The following SMIM31 variants were observed in gnomAD, a reference collection of about 807,000 sequenced individuals.
SMIM31 encodes the protein small integral membrane protein 31.
chr4:164,760,505 T>C (rs1579059746), intron 1 of SMIM31, among the ~76,000 whole-genome samples: 1 of 150,072 alleles, frequency 6.7e-6, no homozygotes, highest in Non-Finnish European at 1.5e-5. Flanking sequence ...CCAAGGCGGG[T>C]GGATCACTTG....
chr4:164,781,615 C>G (rs1214955350), intron 2 of SMIM31, among the ~76,000 whole-genome samples: 1 of 152,130 alleles, frequency 6.6e-6, no homozygotes, highest in African/African-American at 2.4e-5. Context: ...TTAGCAGCCT[C>G]CTTGCCTCTT....
At chr4:164,783,300 A>G (rs921815762) in intron 2 of SMIM31, among the ~76,000 whole-genome samples, 2 of 150,288 alleles carry the variant, frequency 1.3e-5, no homozygotes, top group Non-Finnish European at 3.0e-5. Flanking sequence ...AAGGAGGGTG[A>G]ATCACTTGAG....
At chr4:164,779,600 A>G (rs1414928200) in intron 2 of SMIM31, among the ~76,000 whole-genome samples, 3 of 152,204 alleles carry the variant, frequency 2.0e-5, no homozygotes, top group Middle Eastern at 3.2e-3. Flanking sequence ...TTTATAAACC[A>G]AATTGTCCAA....
chr4:164,776,989 A>G (rs17045497), intron 2 of SMIM31, among the ~76,000 whole-genome samples: 5,372 of 152,264 alleles, frequency 0.035, 320 homozygotes, highest in African/African-American at 0.12. Flanking sequence ...TTAGGATCTC[A>G]TGGACTTGTA....
intron 2 of SMIM31, among the ~76,000 whole-genome samples, chr4:164,783,677 C>A (rs1173248623): frequency 1.3e-5 from 2 of 151,700 alleles, no homozygotes; most frequent in Non-Finnish European, 2.9e-5. Context: ...AGCTACTTAG[C>A]AGGCTAAGGT....
chr4:164,794,494 C>A (rs970766270), intron 2 of SMIM31, among the ~76,000 whole-genome samples: 1 of 152,028 alleles, frequency 6.6e-6, no homozygotes, highest in African/African-American at 2.4e-5. Context: ...ATGTATAGTA[C>A]AACCACATTT....
intron 2 of SMIM31, among the ~76,000 whole-genome samples, chr4:164,791,163 T>C (rs1733095713): frequency 6.6e-6 from 1 of 152,228 alleles, no homozygotes; most frequent in African/African-American, 2.4e-5. Flanking sequence ...AATGTTATCT[T>C]GGACTGTTTT....
At chr4:164,766,447 G>A (rs1732721710) in intron 1 of SMIM31, among the ~76,000 whole-genome samples, 1 of 152,124 alleles carries the variant, frequency 6.6e-6, no homozygotes, top group African/African-American at 2.4e-5. Flanking sequence ...TAGGTACGGA[G>A]ATAAACAAAG....
intron 1 of SMIM31, 140 bp downstream of exon 1, chr4:164,754,551 ATTTTTTTTTTTT>A (rs57916805): frequency 5.2e-4 from 29 of 55,622 alleles, no homozygotes; most frequent in African/African-American, 2.3e-3. Context: ...TCCTGGAGGT[ATTTTTTTTTTTT>A]TTTTTTTTTT....
chr4:164,772,257 C>T (rs1732813625), intron 2 of SMIM31, among the ~76,000 whole-genome samples: 1 of 133,324 alleles, frequency 7.5e-6, no homozygotes, highest in South Asian at 3.0e-4. Context: ...GTGCTAGACA[C>T]TTTTAAACAC....
intron 1 of SMIM31, among the ~76,000 whole-genome samples, chr4:164,755,976 T>G (rs981004578): frequency 2.6e-5 from 4 of 152,256 alleles, no homozygotes. Context: ...CATCTCTCTG[T>G]ACGTCCACTG....
At chr4:164,795,463 C>T (rs1003686079) in intron 2 of SMIM31, among the ~76,000 whole-genome samples, 1 of 143,902 alleles carries the variant, frequency 6.9e-6, no homozygotes, top group Non-Finnish European at 1.5e-5. Flanking sequence ...GAGGCTGAGG[C>T]AGAAGAATCA....
rs1017505320 is a variant in SMIM31 at position 164,802,945 on chromosome 4, T to C, written c.*1751T>C. On this transcript the variant is annotated 3_prime_UTR_variant, in exon 3 of 3. Coordinates refer to ENST00000507311, the MANE Select transcript of SMIM31 (RefSeq NM_001352885.1). ...CCAACCTTTCCTTATTATATGACCTTGGGCAAAGTACTTAATTTCTCTGAG... is the reference window on the plus strand; with the variant it reads ...CCAACCTTTCCTTATTATATGACCTCGGGCAAAGTACTTAATTTCTCTGAG... 2.0e-5 allele frequency: 3 copies of C among 152,194 alleles called. No homozygotes were observed. The highest frequency in any genetic ancestry group is 3.9e-4 in the East Asian group (2 of 5,190). 9.4% of individuals were successfully genotyped at this position (152,194 alleles called of 1,614,324 possible).
chr4:164,786,780 T>G (rs1289211871), intron 2 of SMIM31, among the ~76,000 whole-genome samples: 1 of 152,242 alleles, frequency 6.6e-6, no homozygotes, highest in African/African-American at 2.4e-5. Context: ...TTTGAACATT[T>G]GGACACTTTA....
chr4:164,765,715 C>A (rs773108649), intron 1 of SMIM31, among the ~76,000 whole-genome samples: 6 of 151,662 alleles, frequency 4.0e-5, no homozygotes, highest in Non-Finnish European at 5.9e-5. Flanking sequence ...TTCCACAAGG[C>A]CTTTGAAGGC....
At chr4:164,755,218 G>A (rs1165957307) in intron 1 of SMIM31, among the ~76,000 whole-genome samples, 1 of 151,522 alleles carries the variant, frequency 6.6e-6, no homozygotes, top group Non-Finnish European at 1.5e-5. Flanking sequence ...GGTGGCTCAT[G>A]CCTGTAATCC....
At chr4:164,795,310 C>T (rs965203347) in intron 2 of SMIM31, among the ~76,000 whole-genome samples, 5 of 152,180 alleles carry the variant, frequency 3.3e-5, no homozygotes, top group African/African-American at 1.2e-4. Flanking sequence ...GTAATCCCAG[C>T]ACTTTGGGAG....
chr4:164,777,604 A>C (rs1404943758), intron 2 of SMIM31, among the ~76,000 whole-genome samples: 1 of 152,200 alleles, frequency 6.6e-6, no homozygotes, highest in African/African-American at 2.4e-5. Context: ...ATAAAATGTA[A>C]GTGACCCATC....
chr4:164,762,731 C>A (rs537565896), intron 1 of SMIM31, among the ~76,000 whole-genome samples: 1 of 150,530 alleles, frequency 6.6e-6, no homozygotes, highest in Non-Finnish European at 1.5e-5. Context: ...CTAATCAGAG[C>A]GCACAATGCT....
Sources: allele counts gnomAD v4.1 joint callset (sites outside exome capture counted in the v4.1 genomes callset), GRCh38; gene constraint gnomAD v4.1.1; transcripts MANE v1.5; gene names NCBI Gene and HGNC (gene_info 2026-07-23, HGNC 2026-07-21).